ENPP6: variants seen among roughly 807,000 people sequenced by gnomAD.
The protein encoded by ENPP6 is ectonucleotide pyrophosphatase/phosphodiesterase 6.
Under a neutral mutation model 42.0 loss-of-function variants are expected in ENPP6, and 32 were observed. The observed-to-expected ratio is 0.76, with a 90% confidence interval of 0.58 to 1.02. The LOEUF (loss-of-function observed/expected upper bound fraction) is 1.02, where lower values mean the gene tolerates loss of function less well. ENPP6 is among the 50% of genes least tolerant of loss of function. The pLI, the probability that ENPP6 is intolerant of heterozygous loss-of-function variation, is 0.00. For synonymous variants in ENPP6, 213 were observed against 216.0 expected (o/e 0.99, Z 0.12); for missense variants, 552 against 566.8 (o/e 0.97, Z 0.27).
At chr4:184,098,351 G>A (rs926517728) in intron 6 of ENPP6, among the ~76,000 whole-genome samples, 1 of 152,148 alleles carries the variant, frequency 6.6e-6, no homozygotes, top group African/African-American at 2.4e-5. Context: ...ACCGAATGGC[G>A]GGATATCCAG....
At chr4:184,150,233 T>C (rs919465992) in intron 2 of ENPP6, among the ~76,000 whole-genome samples, 3 of 152,186 alleles carry the variant, frequency 2.0e-5, no homozygotes, top group Non-Finnish European at 4.4e-5. Flanking sequence ...AGGTGGAGTA[T>C]GTTGGACTCT....
intron 2 of ENPP6, among the ~76,000 whole-genome samples, chr4:184,144,061 C>T (rs1375914398): frequency 6.6e-6 from 1 of 152,196 alleles, no homozygotes; most frequent in African/African-American, 2.4e-5. Flanking sequence ...TGGCAGGGCC[C>T]CCCGGGCCCC....
At chr4:184,094,590 A>T (rs1056715303) in intron 7 of ENPP6, among the ~76,000 whole-genome samples, 8 of 152,264 alleles carry the variant, frequency 5.3e-5, no homozygotes, top group African/African-American at 1.9e-4. Context: ...AGGCTCTACT[A>T]GCTGAAGATG....
chr4:184,193,954 C>T (rs965833969), intron 1 of ENPP6, among the ~76,000 whole-genome samples: 8 of 152,192 alleles, frequency 5.3e-5, no homozygotes, highest in East Asian at 1.9e-4. Context: ...CTTTGCCTTT[C>T]CTTGATTGCT....
intron 1 of ENPP6, among the ~76,000 whole-genome samples, chr4:184,206,383 G>C (rs1034952105): frequency 9.6e-6 from 1 of 103,774 alleles, no homozygotes; most frequent in Admixed American, 1.1e-4. Context: ...TCAGCCTCCC[G>C]AGTAGCTGGG....
At chr4:184,151,194 C>T (rs1737018647) in intron 2 of ENPP6, among the ~76,000 whole-genome samples, 1 of 152,130 alleles carries the variant, frequency 6.6e-6, no homozygotes, top group African/African-American at 2.4e-5. Context: ...AAAAATTAGC[C>T]AGGCGTGGTG....
chr4:184,208,531 C>G (rs570733719), intron 1 of ENPP6, among the ~76,000 whole-genome samples: 2 of 152,154 alleles, frequency 1.3e-5, no homozygotes, highest in Non-Finnish European at 2.9e-5. Context: ...GCTTTTCCGA[C>G]GGGCTTAAAA....
At chr4:184,199,275 T>G (rs944577633) in intron 1 of ENPP6, among the ~76,000 whole-genome samples, 1 of 152,136 alleles carries the variant, frequency 6.6e-6, no homozygotes, top group Non-Finnish European at 1.5e-5. Context: ...TGTGATGAGA[T>G]ATCTCACGGG....
chr4:184,131,935 G>C (rs1736643550), intron 2 of ENPP6, among the ~76,000 whole-genome samples: 1 of 152,078 alleles, frequency 6.6e-6, no homozygotes, highest in Non-Finnish European at 1.5e-5. Context: ...GAAACCTGGT[G>C]GTTGTAATTC....
At chr4:184,201,230 C>T (rs1022507530) in intron 1 of ENPP6, among the ~76,000 whole-genome samples, 2 of 152,142 alleles carry the variant, frequency 1.3e-5, no homozygotes, top group African/African-American at 4.8e-5. Flanking sequence ...GAAGGTGTCT[C>T]TGAGATGAAT....
chr4:184,189,844 T>A (rs139426883), intron 1 of ENPP6, among the ~76,000 whole-genome samples: 4 of 151,988 alleles, frequency 2.6e-5, no homozygotes, highest in African/African-American at 7.3e-5. Context: ...CTCCAAGAGA[T>A]GGAGAGGAGC....
intron 5 of ENPP6, among the ~76,000 whole-genome samples, chr4:184,113,350 T>C (rs1472682304): frequency 2.0e-5 from 3 of 152,086 alleles, no homozygotes; most frequent in African/African-American, 7.2e-5. Context: ...ACAGCATATA[T>C]GGTAAAACTG....
chr4:184,134,746 A>G (rs1361939758), intron 2 of ENPP6, among the ~76,000 whole-genome samples: 1 of 150,278 alleles, frequency 6.7e-6, no homozygotes, highest in African/African-American at 2.5e-5. Flanking sequence ...TCTGCTCATC[A>G]TGATTTTCTT....
At chr4:184,092,735 T>C (rs558658986) in intron 7 of ENPP6, among the ~76,000 whole-genome samples, 14 of 152,344 alleles carry the variant, frequency 9.2e-5, no homozygotes, top group African/African-American at 3.1e-4. Flanking sequence ...ATTTAAGCCA[T>C]TGATAAAGGC....
intron 7 of ENPP6, among the ~76,000 whole-genome samples, chr4:184,092,297 A>G (rs1276652598): frequency 6.6e-6 from 1 of 152,094 alleles, no homozygotes; most frequent in Non-Finnish European, 1.5e-5. Flanking sequence ...AGATGAGTGG[A>G]ACACTCTTTG....
chr4:184,117,016 C>A lies in ENPP6; in HGVS notation c.695G>T (p.Arg232Leu). The A allele has an allele frequency of 6.2e-7, 1 of 1,614,166 alleles. No homozygotes were observed. The highest frequency in any genetic ancestry group is 8.5e-7 in the Non-Finnish European group (1 of 1,180,030). Residue 232 changes from arginine (R) to leucine (L), a missense_variant, in exon 5 of 8, where the codon CGC becomes CTC. Arg to Leu is a moderately radical substitution (Grantham distance 102). Around this residue, in one of 2 missense-constraint regions of ENPP6, gnomAD observed 545 missense variants for 546.3 expected, o/e 1.00. Transcript: ENST00000296741. ...ATCCGAGAAAATAATGACGTTCAGG[C>A]GGTCCTGCAGGCCCCGCTCCTGTGG... ...KWIQERGLQD[R>L]LNVIIFSDHG... is the part of the protein sequence containing the mutation.
At chr4:184,192,740 A>G (rs1732727505) in intron 1 of ENPP6, among the ~76,000 whole-genome samples, 1 of 152,246 alleles carries the variant, frequency 6.6e-6, no homozygotes, top group Non-Finnish European at 1.5e-5. Context: ...AAGAACTCCT[A>G]CAACTAAAAA....
Position 184,131,824 on chromosome 4 carries a change from CAT to C in ENPP6, c.422-7554_422-7553del, listed in dbSNP as rs780166830. 2.1e-4 allele frequency among the ~76,000 whole-genome samples: 29 copies of C among 140,436 alleles called. No individual in the cohort carries two copies. In the East Asian group the frequency reaches 2.4e-3, roughly 11 times the overall value. 92.1% of individuals were successfully genotyped at this position (140,436 alleles called of 152,430 possible). A position where few individuals can be genotyped will look rare whatever the true frequency, so the allele number is the denominator to read the frequency against. On this transcript the variant is annotated intron_variant, in intron 2 of 7. Coordinates refer to ENST00000296741, the MANE Select transcript of ENPP6 (RefSeq NM_153343.4). ...ACACACACACACACACACACACACACATATATATATATATAAAGAGGTATATT... is the reference window on the plus strand; with the variant it reads ...ACACACACACACACACACACACACACATATATATATATAAAGAGGTATATT...
At chr4:184,111,927 G>A (rs750032643) in intron 6 of ENPP6, among the ~76,000 whole-genome samples, 2 of 152,194 alleles carry the variant, frequency 1.3e-5, no homozygotes, top group Non-Finnish European at 2.9e-5. Flanking sequence ...GTACCCTGGA[G>A]CCTGTTCTAT....
Sources: allele counts gnomAD v4.1 joint callset (sites outside exome capture counted in the v4.1 genomes callset), GRCh38; gene constraint gnomAD v4.1.1; regional missense constraint gnomAD v4.1.1; transcripts MANE v1.5; gene names NCBI Gene and HGNC (gene_info 2026-07-23, HGNC 2026-07-21).